The following FARS2 variants were observed in gnomAD, a reference collection of about 807,000 sequenced individuals.
FARS2 encodes the protein phenylalanine--tRNA ligase, mitochondrial.
FARS2 carries 40 observed loss-of-function variants against 46.4 expected under a neutral mutation model. The ratio of observed to expected loss-of-function variants is 0.86; its 90% CI spans 0.67 to 1.12. The LOEUF is 1.12. FARS2 is among the 50% of genes most tolerant of loss of function. The probability of loss-of-function intolerance (pLI) is 0.00; values close to 1 mark genes in which losing one functional copy is unlikely to be tolerated. For synonymous variants in FARS2, 234 were observed against 214.9 expected (o/e 1.09, Z -0.78); for missense variants, 513 against 567.9 (o/e 0.90, Z 0.98).
chr6:5,563,814 G>A (rs1224654356), intron 5 of FARS2, among the ~76,000 whole-genome samples: 1 of 152,172 alleles, frequency 6.6e-6, no homozygotes, highest in African/African-American at 2.4e-5. Flanking sequence ...GCTTAATAAA[G>A]GGGTTAACCA....
At chr6:5,688,705 G>A (rs1757448013) in intron 6 of FARS2, among the ~76,000 whole-genome samples, 1 of 152,176 alleles carries the variant, frequency 6.6e-6, no homozygotes, top group African/African-American at 2.4e-5. Flanking sequence ...TCAGGATGAT[G>A]CTGGCCTCAT....
chr6:5,392,936 G>GTATATATTATATATA (rs1199461466), intron 2 of FARS2, among the ~76,000 whole-genome samples: 1 of 146,158 alleles, frequency 6.8e-6, no homozygotes, highest in Non-Finnish European at 1.5e-5. Flanking sequence ...ATATATGTGT[G>GTATATATTATATATA]TGTGTATATA....
At chr6:5,332,974 A>G (rs1355325729) in intron 1 of FARS2, among the ~76,000 whole-genome samples, 1 of 152,236 alleles carries the variant, frequency 6.6e-6, no homozygotes, top group Non-Finnish European at 1.5e-5. Context: ...TATAGACCAA[A>G]TCAAGAATGT....
chr6:5,764,228 C>T lies in FARS2; in HGVS notation c.1218-7063C>T, dbSNP rs113344321. Among the ~76,000 whole-genome samples, 511 of 152,184 alleles carry T rather than the reference C, an allele frequency of 3.4e-3. 5 individuals are homozygous for T. The highest frequency in any genetic ancestry group is 0.012 in the African/African-American group (479 of 41,510). Reference sequence around the variant, plus strand: ...AAGGGTGATGTAAGCTGCCCAGAGTCGCACAGCTAGCAAAGGGCAGAGCAG... The same window carrying T: ...AAGGGTGATGTAAGCTGCCCAGAGTTGCACAGCTAGCAAAGGGCAGAGCAG... On this transcript the variant is annotated intron_variant, in intron 6 of 6. Transcript: ENST00000274680. The surrounding 1 kb of genome is among the most constrained non-coding windows in gnomAD (Gnocchi z 4.1).
chr6:5,251,021 G>C, the FARS2 span, among the ~76,000 whole-genome samples: 3 of 152,102 alleles, frequency 2.0e-5, no homozygotes, highest in Admixed American at 6.5e-5. Context: ...TCCACTGTTC[G>C]GGCACTATTT....
rs987979542 is a variant in FARS2, at chr6:5,393,484, G to A, written c.613-11058G>A. 7.2e-5 allele frequency among the ~76,000 whole-genome samples: 11 copies of A among 152,074 alleles called. No homozygotes were observed. The East Asian group carries it at 9.7e-4, about 13-fold the overall frequency. On this transcript the variant is annotated intron_variant, in intron 2 of 6. Coordinates refer to ENST00000274680, the MANE Select transcript of FARS2 (RefSeq NM_006567.5). ...ATCCTGGCCAACATGGTGAAACCCCGTCTCTACTAAAAATACAAAAAAAAT... is the reference window on the plus strand; with the variant it reads ...ATCCTGGCCAACATGGTGAAACCCCATCTCTACTAAAAATACAAAAAAAAT...
At chr6:5,712,091 G>A (rs544482477) in intron 6 of FARS2, among the ~76,000 whole-genome samples, 35 of 152,122 alleles carry the variant, frequency 2.3e-4, no homozygotes, top group African/African-American at 7.7e-4. Flanking sequence ...TTTTTAAAGC[G>A]TTCACTTTAC....
chr6:5,644,732 T>C (rs1222680257), intron 6 of FARS2, among the ~76,000 whole-genome samples: 2 of 152,242 alleles, frequency 1.3e-5, no homozygotes, highest in African/African-American at 4.8e-5. Context: ...TAAACTATCA[T>C]TGGCTGCTTA....
intron 4 of FARS2, among the ~76,000 whole-genome samples, chr6:5,500,249 A>C (rs1767710632): frequency 6.6e-6 from 1 of 152,176 alleles, no homozygotes; most frequent in East Asian, 1.9e-4. Flanking sequence ...TGTGTGTGGT[A>C]CAGTGAGAAA....
intron 6 of FARS2, among the ~76,000 whole-genome samples, chr6:5,674,746 A>G (rs1778670789): frequency 6.6e-6 from 1 of 152,164 alleles, no homozygotes; most frequent in African/African-American, 2.4e-5. Context: ...AATGAGATCA[A>G]TATCATTTCG....
chr6:5,419,661 A>G (rs1762434441), intron 3 of FARS2, among the ~76,000 whole-genome samples: 1 of 152,196 alleles, frequency 6.6e-6, no homozygotes, highest in South Asian at 2.1e-4. Context: ...AGCTGATCCT[A>G]GGCCTATGGC....
At chr6:5,554,554 T>G (rs1342879945) in intron 5 of FARS2, among the ~76,000 whole-genome samples, 1 of 152,216 alleles carries the variant, frequency 6.6e-6, no homozygotes, top group African/African-American at 2.4e-5. Flanking sequence ...CTTTCATGCC[T>G]TATAGCAATC....
intron 1 of FARS2, among the ~76,000 whole-genome samples, chr6:5,310,825 A>C (rs1325243587): frequency 6.6e-6 from 1 of 152,224 alleles, no homozygotes; most frequent in Non-Finnish European, 1.5e-5. Flanking sequence ...ATATCCTGAA[A>C]ATAGAGAAAT....
intron 5 of FARS2, among the ~76,000 whole-genome samples, chr6:5,570,795 A>AGC (rs199528976): frequency 3.8e-5 from 2 of 52,640 alleles, no homozygotes; most frequent in Non-Finnish European, 8.4e-5. Flanking sequence ...GACCTCTGGA[A>AGC]ACGGGGGTAA....
At chr6:5,636,696 G>A (rs1776561606) in intron 6 of FARS2, among the ~76,000 whole-genome samples, 2 of 152,194 alleles carry the variant, frequency 1.3e-5, no homozygotes, top group Admixed American at 1.3e-4. Flanking sequence ...GCCTTCGTCT[G>A]CTGGCTTCTG....
chr6:5,620,501 G>C (rs1775714926), intron 6 of FARS2, among the ~76,000 whole-genome samples: 1 of 152,108 alleles, frequency 6.6e-6, no homozygotes, highest in Admixed American at 6.5e-5. Flanking sequence ...ACCAGGCTTT[G>C]GAAAGAGCAG....
At position 5,623,556 on chromosome 6, in the gene FARS2, A is replaced by G. The variant is rs1775878954; in HGVS notation, c.1217+10236A>G. Among the ~76,000 whole-genome samples the G allele has an allele frequency of 2.0e-5, 3 of 152,112 alleles. No individual in the cohort carries two copies. In the South Asian group the frequency reaches 6.2e-4, roughly 32 times the overall value. On this transcript the variant is annotated intron_variant, in intron 6 of 6. Transcript: ENST00000274680. ...GTGAAACCCCGTCTCTACTAAAAATACAAAAATTAGCCAGACGTGGTGGCA... is the reference window on the plus strand; with the variant it reads ...GTGAAACCCCGTCTCTACTAAAAATGCAAAAATTAGCCAGACGTGGTGGCA...
chr6:5,639,332 T>C (rs1311798625), intron 6 of FARS2, among the ~76,000 whole-genome samples: 5 of 152,222 alleles, frequency 3.3e-5, no homozygotes, highest in African/African-American at 4.8e-5. Flanking sequence ...TCAAGTCCCA[T>C]CATGGGAGTT....
At chr6:5,706,835 C>A (rs183006036) in intron 6 of FARS2, among the ~76,000 whole-genome samples, 1 of 152,336 alleles carries the variant, frequency 6.6e-6, no homozygotes, top group Non-Finnish European at 1.5e-5. Context: ...GAACAGCATT[C>A]AGACAAGGCT....
Sources: gnomAD v4.1 joint callset for allele counts (sites outside exome capture counted in the v4.1 genomes callset) on GRCh38, gnomAD v4.1.1 for gene constraint, Gnocchi (gnomAD v3.1) non-coding constraint, MANE v1.5 for transcripts, NCBI Gene and HGNC (gene_info 2026-07-23, HGNC 2026-07-21) for gene names.